The following KALRN variants were observed in gnomAD, a reference collection of about 807,000 sequenced individuals.
The protein encoded by KALRN is kalirin RhoGEF kinase.
In KALRN, 70 loss-of-function variants were observed where a neutral mutation model predicts 353.7. The observed-to-expected ratio is 0.20, with a 90% CI of 0.16 to 0.24. KALRN has a LOEUF of 0.24. Ranked by LOEUF, KALRN falls within the 10% of genes least tolerant of loss-of-function variation. The pLI is 1.00. For missense variants in KALRN, 2,791 were observed against 3,756.7 expected, an observed-to-expected ratio of 0.74 and a Z score of 6.72; for synonymous variants, 1,391 against 1,434.8, an observed-to-expected ratio of 0.97 and a Z score of 0.69.
At chr3:124,103,566 TCTA>T (rs372503945) in intron 1 of KALRN, among the ~76,000 whole-genome samples, 16 of 152,276 alleles carry the variant, frequency 1.1e-4, no homozygotes, top group African/African-American at 3.9e-4. Flanking sequence ...AGTAATAGAC[TCTA>T]CTAAGGGTCC....
At chr3:124,073,611 A>T (rs987547804) in intron 1 of KALRN, among the ~76,000 whole-genome samples, 13 of 152,232 alleles carry the variant, frequency 8.5e-5, no homozygotes, top group Non-Finnish European at 1.9e-4. Context: ...GTTTAGGAAC[A>T]TGTTAGTACT....
chr3:124,285,208 A>G (rs1249360998), intron 5 of KALRN, among the ~76,000 whole-genome samples: 3 of 152,214 alleles, frequency 2.0e-5, no homozygotes, highest in Admixed American at 6.5e-5. Flanking sequence ...ATCTGGGGTG[A>G]ACTGGATGTT....
chr3:124,518,806 G>C, intron 33 of KALRN: 1 of 1,213,328 alleles, frequency 8.2e-7, no homozygotes, highest in Non-Finnish European at 1.0e-6. Context: ...CCAGGCTCCT[G>C]CTGCCCTAGA....
At chr3:124,655,404 T>C (rs576513366) in intron 38 of KALRN, among the ~76,000 whole-genome samples, 197 bp from the exon 39 acceptor site, 5 of 152,368 alleles carry the variant, frequency 3.3e-5, no homozygotes, top group Middle Eastern at 3.4e-3. Flanking sequence ...AAGTCCTTTC[T>C]GGCCTTGGTG....
chr3:124,289,256 A>G (rs962593390), intron 5 of KALRN, among the ~76,000 whole-genome samples: 7 of 152,164 alleles, frequency 4.6e-5, no homozygotes, highest in Non-Finnish European at 1.0e-4. Context: ...CCATCAACAT[A>G]TGAACTTGGG....
intron 1 of KALRN, among the ~76,000 whole-genome samples, chr3:124,189,488 T>C (rs2074634626): frequency 6.6e-6 from 1 of 152,124 alleles, no homozygotes; most frequent in Non-Finnish European, 1.5e-5. Flanking sequence ...GGAGGTGTCA[T>C]ATATGCAAGA....
intron 33 of KALRN, among the ~76,000 whole-genome samples, chr3:124,550,891 C>T (rs193218781): frequency 0.017 from 2,517 of 151,956 alleles, 65 homozygotes; most frequent in African/African-American, 0.056. Context: ...CGGGAGGCTG[C>T]GGCAGGAGAA....
At chr3:124,584,954 C>T (rs1482547380) in intron 34 of KALRN, 2 of 1,548,832 alleles carry the variant, frequency 1.3e-6, no homozygotes, top group Non-Finnish European at 1.7e-6. Context: ...CCAGACTGGT[C>T]GCGCTCAGCG....
chr3:124,648,329 G>A (rs564101794), intron 37 of KALRN, among the ~76,000 whole-genome samples: 46 of 152,278 alleles, frequency 3.0e-4, no homozygotes, highest in African/African-American at 1.1e-3. Context: ...AGATAGCCTG[G>A]GCTACTTTGC....
chr3:124,434,604 T>G, intron 17 of KALRN, 79 bp downstream of exon 17: 1 of 1,300,208 alleles, frequency 7.7e-7, no homozygotes. Context: ...AAATGTGCAG[T>G]GCTTATGTCA....
intron 6 of KALRN, among the ~76,000 whole-genome samples, chr3:124,312,878 C>G (rs1021331553): frequency 2.0e-5 from 3 of 152,068 alleles, no homozygotes; most frequent in African/African-American, 7.3e-5. Flanking sequence ...TTATTCACAG[C>G]TGTATCTGCA....
chr3:124,622,877 C>T (rs1463257136), intron 34 of KALRN, among the ~76,000 whole-genome samples: 1 of 152,062 alleles, frequency 6.6e-6, no homozygotes, highest in Non-Finnish European at 1.5e-5. Context: ...ACAGTGTGTT[C>T]TGATTTCAGA....
intron 1 of KALRN, among the ~76,000 whole-genome samples, chr3:124,066,284 G>C (rs2042355265): frequency 6.6e-6 from 1 of 152,184 alleles, no homozygotes; most frequent in Non-Finnish European, 1.5e-5. Flanking sequence ...AGAAAACTCA[G>C]CTTCTGTCTG....
At chr3:124,681,629 CTTTTTTTTTTTT>C (rs56934346) in intron 51 of KALRN, among the ~76,000 whole-genome samples, 8 of 103,708 alleles carry the variant, frequency 7.7e-5, no homozygotes, top group African/African-American at 3.1e-4. Flanking sequence ...CAGTGATTGT[CTTTTTTTTTTTT>C]TTTTTTTTTT....
intron 1 of KALRN, among the ~76,000 whole-genome samples, chr3:124,220,896 G>A (rs1475473294): frequency 2.0e-5 from 3 of 152,190 alleles, no homozygotes; most frequent in Admixed American, 1.3e-4. Context: ...AGATAAAGCA[G>A]AATGTGACCT....
chr3:124,683,726 A>G (rs2061439154), intron 51 of KALRN, among the ~76,000 whole-genome samples: 1 of 152,206 alleles, frequency 6.6e-6, no homozygotes, highest in Non-Finnish European at 1.5e-5. Context: ...CTAAGTGCAG[A>G]CGTTATCCTC....
At chr3:124,428,411 G>A (rs752566161) in intron 15 of KALRN, among the ~76,000 whole-genome samples, 6 of 152,208 alleles carry the variant, frequency 3.9e-5, no homozygotes, top group Admixed American at 3.3e-4. Flanking sequence ...CATCAACCCT[G>A]CAATGCAGAA....
chr3:124,236,991 T>C (rs148080701), intron 3 of KALRN, among the ~76,000 whole-genome samples: 6 of 152,250 alleles, frequency 3.9e-5, no homozygotes, highest in African/African-American at 1.2e-4. Context: ...TCATGAAGAG[T>C]GTAAGTGCCT....
chr3:124,111,310 A>C (rs189260073), intron 1 of KALRN, among the ~76,000 whole-genome samples: 84 of 152,316 alleles, frequency 5.5e-4, no homozygotes, highest in African/African-American at 1.9e-3. Flanking sequence ...ATTTTAAAGC[A>C]AGAAAACCTT....
Sources: gnomAD v4.1 joint callset for allele counts (sites outside exome capture counted in the v4.1 genomes callset) on GRCh38, gnomAD v4.1.1 for gene constraint, MANE v1.5 for transcripts, NCBI Gene and HGNC (gene_info 2026-07-23, HGNC 2026-07-21) for gene names.